TPH2: variants seen among roughly 807,000 people sequenced by gnomAD.
TPH2 encodes tryptophan 5-hydroxylase 2.
TPH2 carries 27 observed loss-of-function variants against 59.1 expected under a neutral mutation model. That is an observed-to-expected ratio of 0.46 (90% CI 0.34 to 0.63). The LOEUF (loss-of-function observed/expected upper bound fraction) is 0.63, where lower values mean the gene tolerates loss of function less well. TPH2 is among the 30% of genes least tolerant of loss of function. The pLI is 0.01. For missense variants in TPH2, 523 were observed against 588.3 expected, an observed-to-expected ratio of 0.89 and a Z score of 1.15; for synonymous variants, 220 against 210.5, an observed-to-expected ratio of 1.05 and a Z score of -0.39.
chr12:71,983,495 G>A (rs1487820912), intron 7 of TPH2, among the ~76,000 whole-genome samples: 2 of 152,142 alleles, frequency 1.3e-5, no homozygotes, highest in African/African-American at 2.4e-5. Context: ...GCATGTGAGC[G>A]TCGCCTGGCA....
At position 71,994,738 on chromosome 12, in the gene TPH2, C is replaced by A. The variant is rs374874901; in HGVS notation, c.1068+173C>A. ...GCACAATGAGTTATCAGCTTATTGA[C>A]CACCAAAACATTTGTATTTTATCAT... is the stretch of plus-strand genomic sequence containing the variant. On this transcript the variant is annotated intron_variant, in intron 8 of 10. Transcript: ENST00000333850. 8.5e-5 allele frequency among the ~76,000 whole-genome samples: 13 copies of A among 152,248 alleles called. No individual in the cohort carries two copies. In the East Asian group the frequency reaches 1.5e-3, roughly 18 times the overall value.
intron 8 of TPH2, among the ~76,000 whole-genome samples, chr12:72,020,849 T>A (rs12831748): frequency 2.0e-5 from 3 of 152,114 alleles, no homozygotes; most frequent in Non-Finnish European, 4.4e-5. Context: ...CTTCTGGAGG[T>A]TAAGCTCCAT....
chr12:71,974,949 AT>A (rs140494725), intron 6 of TPH2, among the ~76,000 whole-genome samples: 1 of 151,918 alleles, frequency 6.6e-6, no homozygotes, highest in Non-Finnish European at 1.5e-5. Flanking sequence ...GGACTGGCAA[AT>A]TTTTTTTGTA....
chr12:72,022,276 A>G (rs778330453), intron 8 of TPH2, 123 bp from the exon 9 acceptor site: 1 of 716,770 alleles, frequency 1.4e-6, no homozygotes, highest in Non-Finnish European at 2.5e-6. Flanking sequence ...CTTGATTTAA[A>G]TGTATTTAAA....
intron 9 of TPH2, among the ~76,000 whole-genome samples, chr12:72,025,347 C>A (rs1042918888): frequency 6.6e-6 from 1 of 152,058 alleles, no homozygotes; most frequent in Non-Finnish European, 1.5e-5. Flanking sequence ...ATAACTTTTA[C>A]ATAAGTATCC....
At chr12:71,952,441 G>A (rs4760748) in intron 5 of TPH2, among the ~76,000 whole-genome samples, 10,370 of 152,120 alleles carry the variant, frequency 0.068, 480 homozygotes, top group Middle Eastern at 0.12. Context: ...CCAGGAAATG[G>A]CCAATTCATC....
chr12:71,959,713 A>T (rs535386992), intron 5 of TPH2, among the ~76,000 whole-genome samples: 1 of 152,166 alleles, frequency 6.6e-6, no homozygotes, highest in Non-Finnish European at 1.5e-5. Flanking sequence ...AGATAGGCGA[A>T]TCTTAATTGG....
chr12:71,957,097 G>A (rs2139191151), intron 5 of TPH2, among the ~76,000 whole-genome samples: 1 of 152,252 alleles, frequency 6.6e-6, no homozygotes, highest in Middle Eastern at 3.4e-3. Context: ...AAGCTCTGTG[G>A]TCATGGGCAG....
intron 5 of TPH2, among the ~76,000 whole-genome samples, chr12:71,971,219 G>A (rs1047052864): frequency 2.6e-5 from 4 of 152,192 alleles, no homozygotes; most frequent in African/African-American, 9.7e-5. Flanking sequence ...TTCCTGTAGT[G>A]ACCACCTGCT....
At chr12:72,030,360 A>G (rs1466637510) in intron 9 of TPH2, among the ~76,000 whole-genome samples, 1 of 152,186 alleles carries the variant, frequency 6.6e-6, no homozygotes, top group East Asian at 1.9e-4. Context: ...CTGCATTTTC[A>G]TAAGCTCCTC....
At chr12:71,983,815 T>C (rs185038187) in intron 7 of TPH2, among the ~76,000 whole-genome samples, 1 of 144,892 alleles carries the variant, frequency 6.9e-6, no homozygotes, top group Non-Finnish European at 1.5e-5. Flanking sequence ...AAGAGAGAGA[T>C]AGCACAAACC....
At chr12:72,020,068 G>T (rs1401521625) in intron 8 of TPH2, among the ~76,000 whole-genome samples, 1 of 152,180 alleles carries the variant, frequency 6.6e-6, no homozygotes, top group South Asian at 2.1e-4. Context: ...TCAGACAATA[G>T]TCTAGATCAG....
intron 6 of TPH2, among the ~76,000 whole-genome samples, chr12:71,975,704 C>T (rs1043419229): frequency 6.6e-6 from 1 of 152,220 alleles, no homozygotes; most frequent in Non-Finnish European, 1.5e-5. Flanking sequence ...CCACCATGAT[C>T]TCTCCCACTC....
chr12:71,939,038 T>C lies in TPH2; in HGVS notation c.52T>C (p.Phe18Leu), dbSNP rs773710365. Residue 18 changes from phenylalanine to leucine, a missense_variant, in exon 1 of 11, where the codon TTT (phenylalanine) becomes CTT (leucine). Phe to Leu is a conservative substitution (Grantham distance 22). Coordinates refer to ENST00000333850, the MANE Select transcript of TPH2 (RefSeq NM_173353.4). ...FSSKYWARRG[F>L]SLDSAVPEEH... is the part of the protein sequence containing the mutation. ...CAGTAAATACTGGGCACGGAGAGGGTTTTCCCTGGATTCAGCAGTGCCCGA... is the reference window on the plus strand; with the variant it reads ...CAGTAAATACTGGGCACGGAGAGGGCTTTCCCTGGATTCAGCAGTGCCCGA... 1 of 1,613,878 alleles carries C rather than the reference T, an allele frequency of 6.2e-7. No individual in the cohort carries two copies. Among genetic ancestry groups the C allele is most frequent in the Non-Finnish European group, 8.5e-7 (1 of 1,179,990 alleles).
chr12:71,939,149 T>C, intron 1 of TPH2, 58 bp downstream of exon 1: 1 of 1,291,368 alleles, frequency 7.7e-7, no homozygotes, highest in Non-Finnish European at 1.1e-6. Flanking sequence ...GACCATCTTC[T>C]CCTCACCATA....
chr12:71,939,062 G>T lies in TPH2; in HGVS notation c.76G>T (p.Glu26Ter). ...RGFSLDSAVP[E>*]EHQLLGSSTL... is the part of the protein sequence containing the mutation. ...GTTTTCCCTGGATTCAGCAGTGCCC[G>T]AAGAGCATCAGCTACTTGGCAGCTC... The change falls in exon 1 of 11, where the codon GAA becomes TAA. Residue 26 changes from glutamate to a stop codon, truncating the protein, a stop_gained. Coordinates refer to ENST00000333850, the MANE Select transcript of TPH2 (RefSeq NM_173353.4). LOFTEE classifies it high-confidence loss of function. 6.2e-7 allele frequency: 1 copy of T among 1,614,064 alleles called. No individual in the cohort carries two copies. Among genetic ancestry groups the T allele is most frequent in the Non-Finnish European group, 8.5e-7 (1 of 1,179,998 alleles).
Position 72,031,254 on chromosome 12 carries a change from G to C in TPH2, c.1165-4G>C. Reference sequence around the variant, plus strand: ...TTTAACAGGTTTTGTGGTATATTTTGCAGCACGCCCTTTCTGACAAGGCAT... The same window carrying C: ...TTTAACAGGTTTTGTGGTATATTTTCCAGCACGCCCTTTCTGACAAGGCAT... On this transcript the variant is annotated splice_polypyrimidine_tract_variant and splice_region_variant and intron_variant, in intron 9 of 10. Transcript: ENST00000333850. 1 of 1,613,302 alleles carries C rather than the reference G, an allele frequency of 6.2e-7. No individual in the cohort carries two copies. Among genetic ancestry groups the C allele is most frequent in the South Asian group, 1.1e-5 (1 of 91,060 alleles).
At chr12:71,946,360 A>G (rs1268276004) in intron 4 of TPH2, among the ~76,000 whole-genome samples, 3 of 152,198 alleles carry the variant, frequency 2.0e-5, no homozygotes, top group Non-Finnish European at 4.4e-5. Context: ...CTCAACCTGG[A>G]GAAAGGAGTT....
chr12:71,988,865 C>A (rs781145290), intron 7 of TPH2, among the ~76,000 whole-genome samples: 4 of 152,114 alleles, frequency 2.6e-5, no homozygotes, highest in Non-Finnish European at 5.9e-5. Context: ...GTGACTTTTG[C>A]TAGGAGTTAT....
Sources: allele counts gnomAD v4.1 joint callset (sites outside exome capture counted in the v4.1 genomes callset), GRCh38; gene constraint gnomAD v4.1.1; transcripts MANE v1.5; gene names NCBI Gene and HGNC (gene_info 2026-07-23, HGNC 2026-07-21).